RSPH14: variants seen among roughly 807,000 people sequenced by gnomAD.
RSPH14 encodes radial spoke head 14 homolog, also known as rhabdoid tumor deletion region gene 1.
Under a neutral mutation model 26.7 loss-of-function variants are expected in RSPH14, and 20 were observed. That is an observed-to-expected ratio of 0.75 (90% CI 0.53 to 1.09). The LOEUF is 1.09. Ranked by LOEUF, RSPH14 falls within the 50% of genes least tolerant of loss-of-function variation. The probability of loss-of-function intolerance (pLI) is 0.00; values close to 1 mark genes in which losing one functional copy is unlikely to be tolerated. For synonymous variants in RSPH14, 177 were observed against 189.3 expected, an observed-to-expected ratio of 0.93 and a Z score of 0.53; for missense variants, 449 against 457.2, an observed-to-expected ratio of 0.98 and a Z score of 0.16.
intron 4 of RSPH14, chr22:23,095,927 A>C (rs147402483): frequency 1.3e-5 from 21 of 1,613,314 alleles, no homozygotes; most frequent in Non-Finnish European, 1.7e-5. Context: ...CTACAATGCC[A>C]TCGACTCGCT....
chr22:23,146,734 C>T, upstream of RSPH14: 2 of 1,602,352 alleles, frequency 1.2e-6, no homozygotes, highest in Middle Eastern at 1.7e-4. Context: ...GCAGCCACAT[C>T]AGCTCTCCCC....
intron 3 of RSPH14, among the ~76,000 whole-genome samples, chr22:23,135,421 G>T (rs2070455532): frequency 6.6e-6 from 1 of 151,396 alleles, no homozygotes; most frequent in Admixed American, 6.6e-5. Context: ...GAACCCGGGA[G>T]GTGGAGCTTG....
At chr22:23,067,353 C>T (rs2068234728) in intron 4 of RSPH14, among the ~76,000 whole-genome samples, 1 of 152,176 alleles carries the variant, frequency 6.6e-6, no homozygotes, top group African/African-American at 2.4e-5. Context: ...ACAGCAAAGC[C>T]CCAGCTGTTG....
the RSPH14 span, among the ~76,000 whole-genome samples, chr22:23,156,925 T>C: frequency 1.3e-5 from 2 of 152,128 alleles, no homozygotes; most frequent in Non-Finnish European, 2.9e-5. Context: ...GTTTCCCCCT[T>C]CCTTTCTCTT....
chr22:23,139,401 AC>A (rs1282306126), intron 2 of RSPH14, among the ~76,000 whole-genome samples: 1 of 152,250 alleles, frequency 6.6e-6, no homozygotes, highest in Non-Finnish European at 1.5e-5. Context: ...CAAGCGGATC[AC>A]CTGAGATCAG....
intron 4 of RSPH14, among the ~76,000 whole-genome samples, chr22:23,073,527 A>G (rs1191489437): frequency 2.0e-5 from 3 of 152,106 alleles, no homozygotes; most frequent in Admixed American, 2.0e-4. Context: ...TCTGAACCTC[A>G]TTATCCTCAT....
chr22:23,158,833 C>T, the RSPH14 span: 1 of 1,431,384 alleles, frequency 7.0e-7, no homozygotes, highest in African/African-American at 1.4e-5. Context: ...CCCAAGTGTG[C>T]CCTCTGCCCC....
Position 23,108,258 on chromosome 22 carries a change from G to A in RSPH14, c.421+25768C>T, listed in dbSNP as rs141324494. 3.3e-3 allele frequency among the ~76,000 whole-genome samples: 498 copies of A among 152,360 alleles called. 1 individual carries two copies. The highest frequency in any genetic ancestry group is 0.011 in the African/African-American group (469 of 41,580). ...CGTGCTGGGCAGAGCAGGGGAGAGC[G>A]GTCCCCAAGCAGACAGCACTGCTCA... On this transcript the variant is annotated intron_variant, in intron 4 of 6. Transcript: ENST00000216036.
At chr22:23,082,521 G>A (rs902747667) in intron 4 of RSPH14, among the ~76,000 whole-genome samples, 19 of 151,728 alleles carry the variant, frequency 1.3e-4, no homozygotes, top group African/African-American at 2.9e-4. Flanking sequence ...GCCCGGCCTC[G>A]TTGTGTTTTT....
At chr22:23,061,113 C>T (rs1310662848) in intron 6 of RSPH14, among the ~76,000 whole-genome samples, 1 of 152,176 alleles carries the variant, frequency 6.6e-6, no homozygotes, top group Non-Finnish European at 1.5e-5. Context: ...CCTGGGAGGA[C>T]CTGTCTTTGG....
upstream of RSPH14, among the ~76,000 whole-genome samples, chr22:23,143,316 T>A (rs912899476): frequency 8.8e-4 from 125 of 142,562 alleles, 2 homozygotes; most frequent in Admixed American, 8.5e-3. Context: ...AATAAATAAA[T>A]AAATAAATAA....
intron 4 of RSPH14, among the ~76,000 whole-genome samples, chr22:23,117,556 C>A (rs759252428): frequency 6.6e-6 from 1 of 152,194 alleles, no homozygotes; most frequent in South Asian, 2.1e-4. Flanking sequence ...CCGATGAGAC[C>A]TCGCAGGTGA....
chr22:23,146,065 C>T (rs2070753111), upstream of RSPH14: 4 of 963,880 alleles, frequency 4.1e-6, no homozygotes, highest in Non-Finnish European at 4.9e-6. Flanking sequence ...TTGGTAGACA[C>T]CTGTCAAGGG....
upstream of RSPH14, chr22:23,146,025 A>G: frequency 1.0e-6 from 1 of 984,928 alleles, no homozygotes; most frequent in Non-Finnish European, 1.2e-6. Flanking sequence ...CTCACAGCCC[A>G]GTAAGGTAAG....
chr22:23,065,721 T>C (rs534535856), intron 4 of RSPH14, among the ~76,000 whole-genome samples: 1 of 152,242 alleles, frequency 6.6e-6, no homozygotes, highest in South Asian at 2.1e-4. Flanking sequence ...TCTTCATCCA[T>C]GTAAGGGTCT....
the RSPH14 span, among the ~76,000 whole-genome samples, chr22:23,156,469 G>A: frequency 0.014 from 2,077 of 152,256 alleles, 33 homozygotes; most frequent in Middle Eastern, 0.024. Flanking sequence ...CAGCAGGGCC[G>A]GATGCTCACC....
rs891822916 is a variant in RSPH14, at chr22:23,123,556, G to A, written c.421+10470C>T. 35 of 628,756 alleles carry A rather than the reference G, an allele frequency of 5.6e-5. No homozygotes were observed. In the African/African-American group the frequency reaches 5.7e-4, roughly 10 times the overall value. 38.9% of individuals were successfully genotyped at this position (628,756 alleles called of 1,614,324 possible). A position where few individuals can be genotyped will look rare whatever the true frequency, so the allele number is the denominator to read the frequency against. On this transcript the variant is annotated intron_variant, in intron 4 of 6. Coordinates refer to ENST00000216036, the MANE Select transcript of RSPH14 (RefSeq NM_014433.3). Reference sequence around the variant, plus strand: ...GCCTAAAGAATGTCCCCCACCCCTTGGCCTCTGCCTCCTTGGCCCCACATT... The same window carrying A: ...GCCTAAAGAATGTCCCCCACCCCTTAGCCTCTGCCTCCTTGGCCCCACATT...
At chr22:23,158,238 G>A in the RSPH14 span, among the ~76,000 whole-genome samples, 1 of 152,212 alleles carries the variant, frequency 6.6e-6, no homozygotes, top group African/African-American at 2.4e-5. Context: ...CTATTCTGGA[G>A]GAGCCAGCAC....
At chr22:23,169,395 C>G in the RSPH14 span, among the ~76,000 whole-genome samples, 1 of 152,262 alleles carries the variant, frequency 6.6e-6, no homozygotes, top group East Asian at 1.9e-4. Flanking sequence ...GAGCCCTCCT[C>G]TGGCCTCCAG....
Sources: gnomAD v4.1 joint callset for allele counts (sites outside exome capture counted in the v4.1 genomes callset) on GRCh38, gnomAD v4.1.1 for gene constraint, MANE v1.5 for transcripts, NCBI Gene and HGNC (gene_info 2026-07-23, HGNC 2026-07-21) for gene names.